KIAA1328: variants seen among roughly 807,000 people sequenced by gnomAD.
KIAA1328 encodes the protein protein hinderin.
In KIAA1328, 52 loss-of-function variants were observed where a neutral mutation model predicts 68.1. The ratio of observed to expected loss-of-function variants is 0.76; its 90% CI spans 0.61 to 0.96. The LOEUF is 0.96. Ranked by LOEUF, KIAA1328 falls within the 40% of genes least tolerant of loss-of-function variation. The pLI, the probability that KIAA1328 is intolerant of heterozygous loss-of-function variation, is 0.00. For missense variants in KIAA1328, 641 were observed against 677.6 expected (o/e 0.95, Z 0.60); for synonymous variants, 232 against 239.4 (o/e 0.97, Z 0.28).
chr18:37,113,627 C>G (rs2058009800), intron 7 of KIAA1328, among the ~76,000 whole-genome samples: 1 of 152,142 alleles, frequency 6.6e-6, no homozygotes, highest in South Asian at 2.1e-4. Flanking sequence ...CAGCTAACAT[C>G]ATAATGACAG....
intron 6 of KIAA1328, among the ~76,000 whole-genome samples, chr18:36,996,905 A>G (rs2861033): frequency 0.73 from 111,391 of 152,104 alleles, 43,949 homozygotes; most frequent in South Asian, 0.89. Context: ...GTAAACGTTT[A>G]GATCTGTTAG....
intron 7 of KIAA1328, among the ~76,000 whole-genome samples, chr18:37,158,995 A>T (rs1391954879): frequency 6.6e-6 from 1 of 151,900 alleles, no homozygotes; most frequent in African/African-American, 2.4e-5. Context: ...GTATAACCCT[A>T]AGTTATACAT....
intron 7 of KIAA1328, among the ~76,000 whole-genome samples, chr18:37,153,717 A>G (rs906334655): frequency 2.0e-5 from 3 of 149,590 alleles, no homozygotes; most frequent in African/African-American, 7.4e-5. Flanking sequence ...AAACTGGACA[A>G]TATAGCAATT....
At chr18:37,115,742 C>A (rs528276096) in intron 7 of KIAA1328, among the ~76,000 whole-genome samples, 4 of 152,182 alleles carry the variant, frequency 2.6e-5, no homozygotes, top group African/African-American at 7.2e-5. Context: ...TTGCAGATGA[C>A]ATGATTGTAT....
In KIAA1328 at chr18:37,080,943, A is replaced by C. The variant is rs1421026116; in HGVS notation, c.1232+13398A>C. Among the ~76,000 whole-genome samples the C allele has an allele frequency of 2.6e-5, 4 of 151,722 alleles. No individual in the cohort carries two copies. In the East Asian group the frequency reaches 7.8e-4, roughly 29 times the overall value. ...AAAAAAAAATCCAAATCCAAGTGAGATGCCCGGAGAAACAGAGACTCAAGA... is the reference window on the plus strand; with the variant it reads ...AAAAAAAAATCCAAATCCAAGTGAGCTGCCCGGAGAAACAGAGACTCAAGA... On this transcript the variant is annotated intron_variant, in intron 7 of 9. Coordinates refer to ENST00000280020, the MANE Select transcript of KIAA1328 (RefSeq NM_020776.3).
intron 6 of KIAA1328, among the ~76,000 whole-genome samples, chr18:37,024,514 C>T (rs558017797): frequency 4.0e-5 from 6 of 151,242 alleles, no homozygotes; most frequent in African/African-American, 1.5e-4. Context: ...TCTCCTAATG[C>T]TATCCCTTGC....
intron 6 of KIAA1328, among the ~76,000 whole-genome samples, chr18:36,999,885 A>G (rs2053524757): frequency 6.6e-6 from 1 of 151,886 alleles, no homozygotes; most frequent in East Asian, 1.9e-4. Flanking sequence ...AAAAGAAACA[A>G]ATGATACCAC....
intron 4 of KIAA1328, among the ~76,000 whole-genome samples, chr18:36,867,583 T>C (rs1435303394): frequency 6.6e-6 from 1 of 152,240 alleles, no homozygotes; most frequent in Non-Finnish European, 1.5e-5. Context: ...GGTTGAAGTT[T>C]AAAGCATTCT....
At chr18:37,074,144 GT>G (rs2056628058) in intron 7 of KIAA1328, among the ~76,000 whole-genome samples, 1 of 152,194 alleles carries the variant, frequency 6.6e-6, no homozygotes, top group African/African-American at 2.4e-5. Flanking sequence ...TTGTCTAAAA[GT>G]TTTTTGTCGA....
chr18:36,932,525 A>C (rs1328695173), intron 5 of KIAA1328, among the ~76,000 whole-genome samples: 22 of 152,334 alleles, frequency 1.4e-4, no homozygotes, highest in Non-Finnish European at 1.6e-4. Flanking sequence ...TGCATGGCCA[A>C]GATTTTATTT....
intron 6 of KIAA1328, among the ~76,000 whole-genome samples, chr18:37,010,065 A>G (rs1314127387): frequency 6.6e-6 from 1 of 152,188 alleles, no homozygotes; most frequent in Non-Finnish European, 1.5e-5. Context: ...TGGAAAATAT[A>G]CTTGCTGAGT....
chr18:36,945,492 A>G (rs1413332918), intron 5 of KIAA1328, among the ~76,000 whole-genome samples: 1 of 152,174 alleles, frequency 6.6e-6, no homozygotes, highest in Non-Finnish European at 1.5e-5. Flanking sequence ...AAATATTCCT[A>G]CTACTTTTAA....
At chr18:37,045,991 A>G (rs898404827) in intron 6 of KIAA1328, among the ~76,000 whole-genome samples, 4 of 152,206 alleles carry the variant, frequency 2.6e-5, no homozygotes, top group Non-Finnish European at 5.9e-5. Flanking sequence ...GTTTAAGCAA[A>G]CATGAAATTT....
At position 37,224,549 on chromosome 18, in the gene KIAA1328, A is replaced by T; in HGVS notation, c.*2322A>T. ...AATTTGTATATAATCTAATGTCTTC[A>T]TTATTAATTGAATAGTACATGTTAA... On this transcript the variant is annotated 3_prime_UTR_variant, in exon 10 of 10. Coordinates refer to ENST00000280020, the MANE Select transcript of KIAA1328 (RefSeq NM_020776.3). The T allele has an allele frequency of 1.0e-6, 1 of 973,094 alleles. No homozygotes were observed. Among genetic ancestry groups the T allele is most frequent in the Non-Finnish European group, 1.2e-6 (1 of 818,716 alleles). The allele number at this position is 973,094 out of a possible 1,614,324, so 60.3% of individuals were successfully genotyped here.
At chr18:36,965,251 G>C (rs368793004) in intron 6 of KIAA1328, among the ~76,000 whole-genome samples, 16 of 151,976 alleles carry the variant, frequency 1.1e-4, no homozygotes, top group African/African-American at 3.1e-4. Context: ...CTGGTAAAAG[G>C]CTTGTTAGAG....
intron 6 of KIAA1328, 77 bp downstream of exon 6, chr18:36,959,512 T>A: frequency 7.0e-7 from 1 of 1,431,974 alleles, no homozygotes; most frequent in Non-Finnish European, 9.5e-7. Context: ...TTTTTTATCT[T>A]AATTTCCTCC....
intron 9 of KIAA1328, among the ~76,000 whole-genome samples, chr18:37,218,762 C>T (rs1192220164): frequency 1.3e-5 from 2 of 152,196 alleles, no homozygotes; most frequent in African/African-American, 4.8e-5. Flanking sequence ...TTCATACATC[C>T]TCCTTTAGCT....
intron 5 of KIAA1328, among the ~76,000 whole-genome samples, chr18:36,952,416 T>A (rs571044591): frequency 8.1e-4 from 124 of 152,236 alleles, no homozygotes; most frequent in Middle Eastern, 3.4e-3. Context: ...TCTTTTTTTT[T>A]TAAAAAATGT....
intron 6 of KIAA1328, among the ~76,000 whole-genome samples, chr18:36,987,904 G>T (rs2053010622): frequency 6.6e-6 from 1 of 151,540 alleles, no homozygotes; most frequent in Non-Finnish European, 1.5e-5. Context: ...GCCTTATTGT[G>T]ATCAGAGCAA....
Sources: allele counts gnomAD v4.1 joint callset (sites outside exome capture counted in the v4.1 genomes callset), GRCh38; gene constraint gnomAD v4.1.1; transcripts MANE v1.5; gene names NCBI Gene and HGNC (gene_info 2026-07-23, HGNC 2026-07-21).